The following DCLK1 variants were observed in gnomAD, a reference collection of about 807,000 sequenced individuals.
The protein encoded by DCLK1 is serine/threonine-protein kinase DCLK1.
DCLK1 carries 16 observed loss-of-function variants against 86.2 expected under a neutral mutation model. That is an observed-to-expected ratio of 0.19 (90% CI 0.13 to 0.28). DCLK1 has a LOEUF of 0.28. Among genes scored for constraint, DCLK1 ranks in the 10% least tolerant of loss-of-function variants. The pLI is 1.00. For synonymous variants in DCLK1, 369 were observed against 370.5 expected, an observed-to-expected ratio of 1.00 and a Z score of 0.05; for missense variants, 590 against 940.2, an observed-to-expected ratio of 0.63 and a Z score of 4.87.
At chr13:35,973,851 G>T (rs73178264) in intron 3 of DCLK1, among the ~76,000 whole-genome samples, 6 of 152,088 alleles carry the variant, frequency 3.9e-5, no homozygotes, top group African/African-American at 7.2e-5. Flanking sequence ...CCTGGAGGAG[G>T]TCAGAGCACA....
chr13:35,840,876 T>G (rs1317611059), intron 6 of DCLK1, among the ~76,000 whole-genome samples: 1 of 152,218 alleles, frequency 6.6e-6, no homozygotes, highest in African/African-American at 2.4e-5. Flanking sequence ...TATTGCAGTA[T>G]GAGGCTGACA....
At chr13:35,805,089 TG>T (rs1208270810) in intron 15 of DCLK1, among the ~76,000 whole-genome samples, 1 of 152,228 alleles carries the variant, frequency 6.6e-6, no homozygotes, top group African/African-American at 2.4e-5. Flanking sequence ...AAGTCTGTTA[TG>T]CCTTCTTGAT....
intron 3 of DCLK1, among the ~76,000 whole-genome samples, chr13:36,051,259 T>G (rs1443713085): frequency 6.6e-6 from 1 of 152,148 alleles, no homozygotes; most frequent in East Asian, 1.9e-4. Flanking sequence ...TTTTTGCCTA[T>G]CTGGTCATCA....
At chr13:36,043,620 T>C (rs183997455) in intron 3 of DCLK1, among the ~76,000 whole-genome samples, 1 of 152,210 alleles carries the variant, frequency 6.6e-6, no homozygotes, top group East Asian at 1.9e-4. Context: ...ATATCAGAGA[T>C]AATGAATAGA....
chr13:36,002,239 C>CA (rs1460316648), intron 3 of DCLK1, among the ~76,000 whole-genome samples: 1 of 152,132 alleles, frequency 6.6e-6, no homozygotes, highest in Non-Finnish European at 1.5e-5. Flanking sequence ...AAAACAAGTA[C>CA]AATACAGTTA....
chr13:35,873,117 G>A (rs1285665970), intron 4 of DCLK1, among the ~76,000 whole-genome samples: 2 of 151,804 alleles, frequency 1.3e-5, no homozygotes, highest in Non-Finnish European at 2.9e-5. Context: ...GGCCAACATG[G>A]TGAAACCCTG....
At chr13:36,078,112 T>C (rs1884276121) in intron 3 of DCLK1, among the ~76,000 whole-genome samples, 1 of 152,144 alleles carries the variant, frequency 6.6e-6, no homozygotes, top group Non-Finnish European at 1.5e-5. Context: ...CATCATGGGA[T>C]TAGTGCTCCT....
intron 8 of DCLK1, among the ~76,000 whole-genome samples, chr13:35,834,231 A>G (rs940198134): frequency 1.3e-5 from 2 of 152,220 alleles, no homozygotes; most frequent in Non-Finnish European, 2.9e-5. Context: ...TCAATGAAAT[A>G]TAAAATTATA....
chr13:35,842,265 C>T lies in DCLK1; in HGVS notation c.1036-3089G>A, dbSNP rs768036800. Among the ~76,000 whole-genome samples the T allele has an allele frequency of 1.1e-3, 152 of 134,184 alleles. 1 individual carries two copies. Among genetic ancestry groups the T allele is most frequent in the Non-Finnish European group, 1.4e-3 (86 of 63,282 alleles). 88.0% of individuals were successfully genotyped at this position (134,184 alleles called of 152,430 possible). A position where few individuals can be genotyped will look rare whatever the true frequency, so the allele number is the denominator to read the frequency against. ...AAAAAAAAAAAAAAAAGAAGTTCTTCTGTAAGTTATGTTGAAATTATGTCC... is the reference window on the plus strand; with the variant it reads ...AAAAAAAAAAAAAAAAGAAGTTCTTTTGTAAGTTATGTTGAAATTATGTCC... On this transcript the variant is annotated intron_variant, in intron 6 of 16. Coordinates refer to ENST00000360631, the MANE Select transcript of DCLK1 (RefSeq NM_001330071.2).
intron 3 of DCLK1, among the ~76,000 whole-genome samples, chr13:36,050,955 T>C (rs1883101410): frequency 6.6e-6 from 1 of 152,078 alleles, no homozygotes; most frequent in South Asian, 2.1e-4. Context: ...ACTTGGCCTG[T>C]AAGCCCAGTG....
At chr13:35,995,723 T>A (rs1172589889) in intron 3 of DCLK1, among the ~76,000 whole-genome samples, 1 of 152,234 alleles carries the variant, frequency 6.6e-6, no homozygotes, top group African/African-American at 2.4e-5. Flanking sequence ...CAGCAGGCTG[T>A]GAGAGACAAC....
chr13:35,935,136 G>A (rs1876684783), intron 4 of DCLK1, among the ~76,000 whole-genome samples: 1 of 152,158 alleles, frequency 6.6e-6, no homozygotes, highest in Admixed American at 6.5e-5. Context: ...AGCAAAAGCA[G>A]ATATTTCAAA....
intron 3 of DCLK1, among the ~76,000 whole-genome samples, chr13:35,994,786 T>A (rs1184105745): frequency 6.6e-6 from 1 of 152,204 alleles, no homozygotes; most frequent in East Asian, 1.9e-4. Context: ...GACCTAAAGC[T>A]ATTATGGGCT....
intron 3 of DCLK1, among the ~76,000 whole-genome samples, chr13:36,000,140 T>C (rs1304275829): frequency 1.3e-5 from 2 of 152,214 alleles, no homozygotes; most frequent in East Asian, 1.9e-4. Context: ...AGTTCTTCCA[T>C]GTAATCCTCA....
chr13:35,786,147 G>A (rs1221046757), intron 16 of DCLK1, among the ~76,000 whole-genome samples: 1 of 152,184 alleles, frequency 6.6e-6, no homozygotes, highest in East Asian at 1.9e-4. Context: ...TAGGATTTTA[G>A]TTAAATGGCC....
chr13:36,124,453 A>G (rs1301588809), intron 2 of DCLK1, among the ~76,000 whole-genome samples: 9 of 152,220 alleles, frequency 5.9e-5, no homozygotes, highest in African/African-American at 1.9e-4. Flanking sequence ...CACGCTCTCA[A>G]GGCCAGTCAC....
At chr13:35,937,119 G>A (rs900880239) in intron 4 of DCLK1, among the ~76,000 whole-genome samples, 3 of 147,678 alleles carry the variant, frequency 2.0e-5, no homozygotes, top group South Asian at 2.2e-4. Flanking sequence ...ACAGGCACCC[G>A]CCACCATGTC....
chr13:35,827,867 G>A, intron 9 of DCLK1, 113 bp from the exon 10 acceptor site: 1 of 1,323,440 alleles, frequency 7.6e-7, no homozygotes. Context: ...TTGGTAAAAT[G>A]TAATAAGCCT....
intron 4 of DCLK1, among the ~76,000 whole-genome samples, chr13:35,937,219 C>T (rs1171087): frequency 0.72 from 109,654 of 151,394 alleles, 39,903 homozygotes; most frequent in Admixed American, 0.77. Context: ...ATGATCCGCC[C>T]GCCTCAGCCT....
Sources: allele counts gnomAD v4.1 joint callset (sites outside exome capture counted in the v4.1 genomes callset), GRCh38; gene constraint gnomAD v4.1.1; transcripts MANE v1.5; gene names NCBI Gene and HGNC (gene_info 2026-07-23, HGNC 2026-07-21).